The following PBX4 variants were observed in gnomAD, a reference collection of about 807,000 sequenced individuals.
PBX4 encodes pre-B-cell leukemia transcription factor 4.
PBX4 carries 26 observed loss-of-function variants against 35.1 expected under a neutral mutation model. The ratio of observed to expected loss-of-function variants is 0.74; its 90% CI spans 0.54 to 1.03. The LOEUF (loss-of-function observed/expected upper bound fraction) is 1.03. Ranked by LOEUF, PBX4 falls within the 50% of genes least tolerant of loss-of-function variation. PBX4 has a pLI of 0.00. For synonymous variants in PBX4, 199 were observed against 204.2 expected, an observed-to-expected ratio of 0.97 and a Z score of 0.22; for missense variants, 448 against 504.3, an observed-to-expected ratio of 0.89 and a Z score of 1.07.
At position 19,600,141 on chromosome 19, in the gene PBX4, C is replaced by CAATAAT. The variant is rs3066478; in HGVS notation, c.120-782_120-777dup. Among the ~76,000 whole-genome samples the CAATAAT allele has an allele frequency of 8.5e-3, 1,266 of 149,474 alleles. 5 individuals are homozygous for CAATAAT. Among genetic ancestry groups the CAATAAT allele is most frequent in the Middle Eastern group, 0.021 (6 of 290 alleles). On this transcript the variant is annotated intron_variant, in intron 1 of 7. Coordinates refer to ENST00000251203, the MANE Select transcript of PBX4 (RefSeq NM_025245.3). The stretch of plus-strand genomic sequence containing the variant: ...CAGGCAATAGAGTGAGACTCTGTCT[C>CAATAAT]AATAATAATAATAATAATAATGTAA...
intron 1 of PBX4, among the ~76,000 whole-genome samples, chr19:19,615,147 AGAGT>A (rs1216917739): frequency 2.2e-5 from 3 of 134,746 alleles, no homozygotes; most frequent in Non-Finnish European, 4.6e-5. Flanking sequence ...TCTGGGTGAC[AGAGT>A]GAGACCCTGT....
intron 2 of PBX4, among the ~76,000 whole-genome samples, chr19:19,590,833 T>C (rs2061523896): frequency 6.6e-6 from 1 of 152,148 alleles, no homozygotes; most frequent in African/African-American, 2.4e-5. Flanking sequence ...ATCTGTATAT[T>C]TATATACAAT....
At chr19:19,570,987 G>T in intron 2 of PBX4, 154 bp from the exon 3 acceptor site, 1 of 963,066 alleles carries the variant, frequency 1.0e-6, no homozygotes. Flanking sequence ...TTGGATGATG[G>T]ACACTGAGCA....
At position 19,570,080 on chromosome 19, in the gene PBX4, TGAGGTTTTGGG is replaced by T; in HGVS notation, c.632+18_632+28del. On this transcript the variant is annotated intron_variant, in intron 4 of 7. Transcript: ENST00000251203. Reference sequence around the variant, plus strand: ...CCTCCAGTCCCTCAGAGCCGGCCCTTGAGGTTTTGGGTACGTACAGGCCCTGACCTGGCATC... The same window carrying T: ...CCTCCAGTCCCTCAGAGCCGGCCCTTTACGTACAGGCCCTGACCTGGCATC... 6.5e-7 allele frequency: 1 copy of T among 1,544,758 alleles called. No individual in the cohort carries two copies. The highest frequency in any genetic ancestry group is 8.8e-7 in the Non-Finnish European group (1 of 1,141,856).
rs758805133 is a variant in PBX4 at position 19,570,248 on chromosome 19, T to C, written c.493A>G (p.Arg165Gly). ...HVTNLLQEQS[R>G]MRPVSPKEIE... ...TCCTTAGGGGAGACAGGCCTCATCC[T>C]GCTCTGCTCCTGGAGGAGGTTGGTG... is the stretch of plus-strand genomic sequence containing the variant. Residue 165 changes from arginine (R) to glycine (G), a missense_variant, in exon 4 of 8, where the codon AGG becomes GGG. Transcript: ENST00000251203. 1.9e-6 allele frequency: 3 copies of C among 1,613,624 alleles called. No individual in the cohort carries two copies. The highest frequency in any genetic ancestry group is 2.2e-5 in the East Asian group (1 of 44,874).
At chr19:19,569,853 T>C (rs564859052) in intron 4 of PBX4, among the ~76,000 whole-genome samples, 116 of 152,240 alleles carry the variant, frequency 7.6e-4, no homozygotes, top group African/African-American at 2.7e-3. Context: ...GAGGTTGTGG[T>C]GAGTGGAGAT....
intron 1 of PBX4, among the ~76,000 whole-genome samples, chr19:19,610,378 A>C (rs2061656854): frequency 6.6e-6 from 1 of 152,078 alleles, no homozygotes; most frequent in Non-Finnish European, 1.5e-5. Flanking sequence ...GTGCCATTGC[A>C]CTCCAGCCTG....
intron 2 of PBX4, among the ~76,000 whole-genome samples, chr19:19,597,587 AAAG>A (rs1599371197): frequency 6.6e-6 from 1 of 152,320 alleles, no homozygotes; most frequent in East Asian, 1.9e-4. Flanking sequence ...CAGTGTTCAG[AAAG>A]AAGCACACTT....
At position 19,573,326 on chromosome 19, in the gene PBX4, AAT is replaced by A. The variant is rs1555734802; in HGVS notation, c.194-2495_194-2494del. On this transcript the variant is annotated intron_variant, in intron 2 of 7. Transcript: ENST00000251203. ...ATCTCCAAAAAAAAGAAAAAAAAAA[AAT>A]ATACACACACACACACACACACACA... Among the ~76,000 whole-genome samples, 534 of 81,734 alleles carry A rather than the reference AAT, an allele frequency of 6.5e-3. 8 individuals are homozygous for A. The highest frequency in any genetic ancestry group is 0.041 in the Middle Eastern group (7 of 170). The allele number at this position is 81,734 out of a possible 152,430, so 53.6% of individuals were successfully genotyped here. A position where few individuals can be genotyped will look rare whatever the true frequency, so the allele number is the denominator to read the frequency against.
At chr19:19,593,973 C>A (rs142810167) in intron 2 of PBX4, among the ~76,000 whole-genome samples, 209 of 150,884 alleles carry the variant, frequency 1.4e-3, no homozygotes, top group Non-Finnish European at 2.1e-3. Flanking sequence ...AAAAATAGTC[C>A]TCAGCGACCC....
At chr19:19,591,951 C>T (rs1173319460) in intron 2 of PBX4, among the ~76,000 whole-genome samples, 1 of 152,166 alleles carries the variant, frequency 6.6e-6, no homozygotes, top group Non-Finnish European at 1.5e-5. Flanking sequence ...AACCTCACAT[C>T]CCAGGTTCAA....
chr19:19,586,489 T>G (rs1600421376), intron 2 of PBX4, among the ~76,000 whole-genome samples: 1 of 152,168 alleles, frequency 6.6e-6, no homozygotes, highest in East Asian at 1.9e-4. Flanking sequence ...GGCTTGTTTT[T>G]CTGTGCTACT....
At chr19:19,570,514 G>A (rs2061375415) in intron 3 of PBX4, 72 bp downstream of exon 3, 1 of 1,577,676 alleles carries the variant, frequency 6.3e-7, no homozygotes, top group African/African-American at 1.3e-5. Flanking sequence ...AAGAAAGGTG[G>A]TTAGCGTTCC....
intron 2 of PBX4, among the ~76,000 whole-genome samples, chr19:19,592,380 G>A (rs2061534359): frequency 6.6e-6 from 1 of 152,174 alleles, no homozygotes; most frequent in Admixed American, 6.6e-5. Flanking sequence ...GGAGGGTTTG[G>A]GAGGAAATGC....
In PBX4 at chr19:19,561,894, G is replaced by A; in HGVS notation, c.*131C>T. 2 of 695,290 alleles carry A rather than the reference G, an allele frequency of 2.9e-6. No homozygotes were observed. Among genetic ancestry groups the A allele is most frequent in the Non-Finnish European group, 4.6e-6 (2 of 431,004 alleles). 43.1% of individuals were successfully genotyped at this position (695,290 alleles called of 1,614,324 possible). On this transcript the variant is annotated 3_prime_UTR_variant, in exon 8 of 8. Transcript: ENST00000251203. ...GAGCCGGCGCCACGGGCCTGGCTGA[G>A]GAGCAGGGGCTCATGGGCACCACCA...
At chr19:19,588,458 T>C in intron 2 of PBX4, 1 of 861,926 alleles carries the variant, frequency 1.2e-6, no homozygotes, top group Non-Finnish European at 1.9e-6. Flanking sequence ...TTTGTATTTT[T>C]AGTAGAGACA....
chr19:19,573,771 C>T (rs1408033994), intron 2 of PBX4, among the ~76,000 whole-genome samples: 1 of 151,936 alleles, frequency 6.6e-6, no homozygotes, highest in Non-Finnish European at 1.5e-5. Context: ...GCTCTGTGTC[C>T]CAGGCTGGAG....
rs2144695722 is a variant in PBX4, at chr19:19,563,871, G to A, written c.926-256C>T. ...CACCCAGGCTTGAGTGCAGTGGCAC[G>A]ATCTTGGCTCACTGCAAGCTCTGCC... On this transcript the variant is annotated intron_variant, in intron 6 of 7. Transcript: ENST00000251203. The surrounding 1 kb of genome is among the most constrained non-coding windows in gnomAD (Gnocchi z 5.1). 2 of 356,334 alleles carry A rather than the reference G, an allele frequency of 5.6e-6. No homozygotes were observed. The highest frequency in any genetic ancestry group is 2.6e-5 in the South Asian group (1 of 37,996). 22.1% of individuals were successfully genotyped at this position (356,334 alleles called of 1,614,324 possible).
chr19:19,615,208 G>A (rs531818265), intron 1 of PBX4, among the ~76,000 whole-genome samples: 3 of 150,858 alleles, frequency 2.0e-5, no homozygotes, highest in South Asian at 2.1e-4. Context: ...TTAGCCAGGC[G>A]TGGTGGCACA....
Sources: gnomAD v4.1 joint callset for allele counts (sites outside exome capture counted in the v4.1 genomes callset) on GRCh38, gnomAD v4.1.1 for gene constraint, Gnocchi (gnomAD v3.1) non-coding constraint, MANE v1.5 for transcripts, NCBI Gene and HGNC (gene_info 2026-07-23, HGNC 2026-07-21) for gene names.